The following SIL1 variants were observed in gnomAD, a reference collection of about 807,000 sequenced individuals.
The protein encoded by SIL1 is SIL1 nucleotide exchange factor.
SIL1 carries 40 observed loss-of-function variants against 49.1 expected under a neutral mutation model. The ratio of observed to expected loss-of-function variants is 0.81; its 90% confidence interval spans 0.63 to 1.06. The LOEUF (loss-of-function observed/expected upper bound fraction) is 1.06. SIL1 is among the 50% of genes least tolerant of loss of function. SIL1 has a pLI of 0.00. For missense variants in SIL1, 500 were observed against 572.6 expected (o/e 0.87, Z 1.29); for synonymous variants, 253 against 250.8 (o/e 1.01, Z -0.08).
intron 4 of SIL1, among the ~76,000 whole-genome samples, chr5:139,047,213 AAG>A (rs1232145037): frequency 2.0e-5 from 3 of 152,192 alleles, no homozygotes; most frequent in African/African-American, 7.2e-5. Context: ...CCAGGGCAAA[AAG>A]AGAGATGTAC....
intron 1 of SIL1, among the ~76,000 whole-genome samples, chr5:139,152,230 G>C (rs148537521): frequency 1.8e-3 from 274 of 152,318 alleles, no homozygotes; most frequent in Non-Finnish European, 3.0e-3. Flanking sequence ...ACAGTGATTT[G>C]GAGTAAATGG....
intron 1 of SIL1, among the ~76,000 whole-genome samples, chr5:139,185,667 A>C (rs1265319147): frequency 6.6e-6 from 1 of 152,222 alleles, no homozygotes; most frequent in Non-Finnish European, 1.5e-5. Flanking sequence ...CTAGTTACCC[A>C]GGGCCTCTCA....
intron 7 of SIL1, among the ~76,000 whole-genome samples, chr5:138,981,831 CT>C (rs367641667): frequency 2.0e-4 from 29 of 147,936 alleles, no homozygotes; most frequent in Admixed American, 6.7e-4. Flanking sequence ...ATCTCTCTCT[CT>C]TTTTTTTTTC....
intron 7 of SIL1, among the ~76,000 whole-genome samples, chr5:138,985,820 T>A (rs1319609966): frequency 6.6e-6 from 1 of 152,074 alleles, no homozygotes; most frequent in Non-Finnish European, 1.5e-5. Context: ...TAGAGATAAG[T>A]GGTGGCAGAG....
intron 3 of SIL1, among the ~76,000 whole-genome samples, chr5:139,059,732 A>T (rs952804481): frequency 7.2e-5 from 11 of 152,130 alleles, no homozygotes; most frequent in African/African-American, 2.7e-4. Context: ...ATATCCACAC[A>T]TCTATATTTC....
At position 139,026,873 on chromosome 5, in the gene SIL1, C is replaced by T. The variant is rs148927511; in HGVS notation, c.573G>A (p.Lys191=). Residue 191 remains lysine (K), a synonymous_variant, in exon 6 of 10, where the codon AAG becomes AAA. Transcript: ENST00000394817. ...CCAAACTGGAGCTGGAACTATTGAA[C>T]TTGTTGATCAGCCGTACCATGATCT... ...DMQIMVRLIN[K]FNSSSSSLEE... The T allele has an allele frequency of 4.5e-4, 719 of 1,614,090 alleles. 4 individuals are homozygous for T. Among genetic ancestry groups the T allele is most frequent in the Non-Finnish European group, 8.5e-5 (100 of 1,180,044 alleles).
At position 138,947,989 on chromosome 5, in the gene SIL1, G is replaced by C. The variant is rs952401928; in HGVS notation, c.1030-516C>G. ...CCAATCCTGCCGGGCTACCAGCAGC[G>C]GGAAAGCCAACACCTGAACCATGAC... On this transcript the variant is annotated intron_variant, in intron 9 of 9. Transcript: ENST00000394817. The surrounding 1 kb of genome is among the most constrained non-coding windows in gnomAD (Gnocchi z 4.1). 6.6e-6 allele frequency among the ~76,000 whole-genome samples: 1 copy of C among 152,160 alleles called. No individual in the cohort carries two copies. Among genetic ancestry groups the C allele is most frequent in the African/African-American group, 2.4e-5 (1 of 41,428 alleles).
At chr5:139,163,138 A>T (rs1751549078) in intron 1 of SIL1, among the ~76,000 whole-genome samples, 2 of 151,916 alleles carry the variant, frequency 1.3e-5, no homozygotes, top group African/African-American at 4.8e-5. Context: ...GCAGGCAGGG[A>T]TCGGAATATG....
At chr5:139,098,359 A>T (rs1195733613) in intron 3 of SIL1, among the ~76,000 whole-genome samples, 1 of 152,230 alleles carries the variant, frequency 6.6e-6, no homozygotes, top group African/African-American at 2.4e-5. Context: ...GGTCTCTTCA[A>T]TAAATGGTGC....
intron 1 of SIL1, among the ~76,000 whole-genome samples, chr5:139,182,120 C>T (rs1471407369): frequency 6.6e-6 from 1 of 152,100 alleles, no homozygotes; most frequent in Non-Finnish European, 1.5e-5. Flanking sequence ...ACATGTGTGG[C>T]CAGGGCAGTA....
chr5:139,138,921 T>A (rs1213661378), intron 1 of SIL1, among the ~76,000 whole-genome samples: 3 of 152,204 alleles, frequency 2.0e-5, no homozygotes, highest in African/African-American at 7.2e-5. Context: ...ATACTCTGGG[T>A]GGTTACAGAC....
intron 1 of SIL1, among the ~76,000 whole-genome samples, chr5:139,189,499 T>C (rs1203248503): frequency 2.0e-4 from 31 of 152,230 alleles, no homozygotes; most frequent in Non-Finnish European, 8.8e-5. Context: ...TACATTATGG[T>C]GAGTTGTATA....
intron 7 of SIL1, among the ~76,000 whole-genome samples, chr5:138,990,177 C>G (rs1227259861): frequency 6.6e-6 from 1 of 152,200 alleles, no homozygotes; most frequent in African/African-American, 2.4e-5. Flanking sequence ...TGTGAGCGTA[C>G]ACTTACCCAA....
chr5:138,993,333 C>T (rs1260120356), intron 7 of SIL1, among the ~76,000 whole-genome samples: 5 of 152,124 alleles, frequency 3.3e-5, no homozygotes, highest in Non-Finnish European at 5.9e-5. Flanking sequence ...AAGAGTCTAC[C>T]CACAATACAG....
At chr5:139,108,215 G>A (rs1306192658) in intron 3 of SIL1, 4 of 152,154 alleles carry the variant, frequency 2.6e-5, no homozygotes, top group Non-Finnish European at 4.4e-5. Flanking sequence ...CACCTTCCTG[G>A]ATTAAGGGTA....
At chr5:139,182,188 A>G (rs1424577087) in intron 1 of SIL1, among the ~76,000 whole-genome samples, 2 of 152,202 alleles carry the variant, frequency 1.3e-5, no homozygotes, top group Non-Finnish European at 2.9e-5. Context: ...GCTTGGGAGC[A>G]GGCAAGCCAG....
At chr5:139,087,437 A>AGGAGGC (rs1259411809) in intron 3 of SIL1, among the ~76,000 whole-genome samples, 5 of 152,110 alleles carry the variant, frequency 3.3e-5, no homozygotes, top group South Asian at 2.1e-4. Flanking sequence ...CCAGCTACTT[A>AGGAGGC]GGAGGCGGAG....
At chr5:139,052,428 G>T (rs1246678093) in intron 3 of SIL1, among the ~76,000 whole-genome samples, 5 of 152,200 alleles carry the variant, frequency 3.3e-5, no homozygotes, top group Admixed American at 2.0e-4. Flanking sequence ...GGCCAGGCAT[G>T]GTTGCTCACA....
intron 1 of SIL1, among the ~76,000 whole-genome samples, chr5:139,194,468 G>A (rs767151148): frequency 3.9e-5 from 6 of 152,194 alleles, no homozygotes; most frequent in Non-Finnish European, 8.8e-5. Flanking sequence ...ATGCTATTCC[G>A]TCTTTAGTCT....
Sources: allele counts gnomAD v4.1 joint callset (sites outside exome capture counted in the v4.1 genomes callset), GRCh38; gene constraint gnomAD v4.1.1; non-coding constraint Gnocchi (gnomAD v3.1); transcripts MANE v1.5; gene names NCBI Gene and HGNC (gene_info 2026-07-23, HGNC 2026-07-21).